The following DDAH1 variants were observed in gnomAD, a reference collection of about 807,000 sequenced individuals.
DDAH1 encodes the protein N(G),N(G)-dimethylarginine dimethylaminohydrolase 1.
A neutral mutation model predicts 28.8 loss-of-function variants in DDAH1; 19 were observed. The observed-to-expected ratio is 0.66, with a 90% CI of 0.46 to 0.97. The LOEUF (loss-of-function observed/expected upper bound fraction) is 0.97, where lower values mean the gene tolerates loss of function less well. DDAH1 is among the 50% of genes least tolerant of loss of function. The pLI is 0.00. For missense variants in DDAH1, 326 were observed against 375.9 expected, an observed-to-expected ratio of 0.87 and a Z score of 1.10; for synonymous variants, 153 against 154.4, an observed-to-expected ratio of 0.99 and a Z score of 0.07.
Position 85,319,127 on chromosome 1 carries a change from T to C in DDAH1, c.*2325A>G, listed in dbSNP as rs1185583125. Reference sequence around the variant, plus strand: ...CTTTTCAAAAATAACATTATGCTAATGAGAACATCAAAGAAGTAATACTAT... The same window carrying C: ...CTTTTCAAAAATAACATTATGCTAACGAGAACATCAAAGAAGTAATACTAT... On this transcript the variant is annotated 3_prime_UTR_variant, in exon 6 of 6. Coordinates refer to ENST00000284031, the MANE Select transcript of DDAH1 (RefSeq NM_012137.4). 1 of 152,188 alleles carries C rather than the reference T, an allele frequency of 6.6e-6. No homozygotes were observed. The allele number at this position is 152,188 out of a possible 1,614,324, so 9.4% of individuals were successfully genotyped here.
intron 1 of DDAH1, among the ~76,000 whole-genome samples, chr1:85,409,766 T>A (rs1423495945): frequency 6.6e-6 from 1 of 152,200 alleles, no homozygotes; most frequent in Admixed American, 6.5e-5. Context: ...ATATAAGTTT[T>A]CAACTTTATT....
chr1:85,431,315 C>T (rs113225322), intron 1 of DDAH1, among the ~76,000 whole-genome samples: 3 of 152,136 alleles, frequency 2.0e-5, no homozygotes, highest in African/African-American at 4.8e-5. Context: ...TGAGGATTTT[C>T]GCATTGATGT....
rs1032325886 is a variant in DDAH1 at position 85,319,323 on chromosome 1, A to G, written c.*2129T>C. On this transcript the variant is annotated 3_prime_UTR_variant, in exon 6 of 6. Transcript: ENST00000284031. ...ACAGAAAGAAGCAAAAGAAAGGAAA[A>G]GTGAAAAACAGCCTTCTGCAGAACA... 3 of 152,356 alleles carry G rather than the reference A, an allele frequency of 2.0e-5. No individual in the cohort carries two copies. Among genetic ancestry groups the G allele is most frequent in the Non-Finnish European group, 4.4e-5 (3 of 68,020 alleles). The allele number at this position is 152,356 out of a possible 1,614,324, so 9.4% of individuals were successfully genotyped here.
chr1:85,575,046 C>G (rs767405380), intron 1 of DDAH1, among the ~76,000 whole-genome samples: 1 of 151,862 alleles, frequency 6.6e-6, no homozygotes, highest in Non-Finnish European at 1.5e-5. Flanking sequence ...TTAAAACCAG[C>G]CTGAGCAACA....
At position 85,490,034 on chromosome 1, in the gene DDAH1, G is replaced by A. The variant is rs185053447; in HGVS notation, c.-7+6132C>T. 3.1e-4 allele frequency among the ~76,000 whole-genome samples: 47 copies of A among 152,214 alleles called. 1 individual carries two copies. Among genetic ancestry groups the A allele is most frequent in the Admixed American group, 5.9e-4 (9 of 15,286 alleles). On this transcript the variant is annotated intron_variant, in intron 2 of 6. Transcript: ENST00000426972. ...TACTGTTTCAAGAGGTAGGCTTGTG[G>A]TGGATAAGTGGAGAAAGATGCAATG...
At chr1:85,541,719 G>A (rs940572968) in intron 1 of DDAH1, among the ~76,000 whole-genome samples, 1 of 152,172 alleles carries the variant, frequency 6.6e-6, no homozygotes, top group Non-Finnish European at 1.5e-5. Flanking sequence ...GGTATATGGA[G>A]GTGGGACCTT....
At chr1:85,563,671 A>C (rs1659203339) in intron 1 of DDAH1, among the ~76,000 whole-genome samples, 1 of 152,236 alleles carries the variant, frequency 6.6e-6, no homozygotes, top group Admixed American at 6.5e-5. Flanking sequence ...TAAGCAGAAA[A>C]ACATGATCTA....
intron 1 of DDAH1, among the ~76,000 whole-genome samples, chr1:85,381,629 T>C (rs1415075753): frequency 2.0e-5 from 3 of 152,212 alleles, no homozygotes; most frequent in South Asian, 2.1e-4. Flanking sequence ...TTCCTCTGAC[T>C]GCTTTTCAGA....
chr1:85,369,101 T>C (rs1213787665), intron 1 of DDAH1, among the ~76,000 whole-genome samples: 1 of 134,158 alleles, frequency 7.5e-6, no homozygotes, highest in African/African-American at 2.8e-5. Flanking sequence ...CACTCTGTCC[T>C]CCAGGCTGGA....
At chr1:85,405,199 T>C (rs1007654177) in intron 1 of DDAH1, among the ~76,000 whole-genome samples, 1 of 152,178 alleles carries the variant, frequency 6.6e-6, no homozygotes, top group Admixed American at 6.5e-5. Context: ...ATTCAATAAA[T>C]TGGCCACATG....
At chr1:85,500,114 TTTTCTTTCTTTC>T (rs199804690) in intron 1 of DDAH1, among the ~76,000 whole-genome samples, 7,939 of 129,786 alleles carry the variant, frequency 0.061, 286 homozygotes, top group African/African-American at 0.097. Context: ...CTTTCTTTTC[TTTTCTTTCTTTC>T]TTTCTTTCTT....
At chr1:85,388,323 G>A (rs566504888) in intron 1 of DDAH1, among the ~76,000 whole-genome samples, 1 of 152,094 alleles carries the variant, frequency 6.6e-6, no homozygotes, top group Admixed American at 6.5e-5. Context: ...TTAGTTATGT[G>A]CCATTACTAC....
intron 1 of DDAH1, among the ~76,000 whole-genome samples, chr1:85,387,062 T>C (rs1651304404): frequency 6.6e-6 from 1 of 152,202 alleles, no homozygotes; most frequent in African/African-American, 2.4e-5. Flanking sequence ...CCTAGGTCTC[T>C]GGGTCTGTGA....
intron 2 of DDAH1, among the ~76,000 whole-genome samples, chr1:85,479,361 G>A (rs1655920307): frequency 1.3e-5 from 2 of 151,188 alleles, no homozygotes; most frequent in African/African-American, 2.4e-5. Flanking sequence ...TTTTAGTAGA[G>A]ACGGGGTTTC....
At chr1:85,502,031 C>G (rs889527672) in intron 1 of DDAH1, among the ~76,000 whole-genome samples, 3 of 152,186 alleles carry the variant, frequency 2.0e-5, no homozygotes, top group African/African-American at 4.8e-5. Flanking sequence ...TCCAAACTTT[C>G]TCCATAAAGC....
chr1:85,348,365 A>G (rs1414957777), intron 4 of DDAH1, among the ~76,000 whole-genome samples: 1 of 152,148 alleles, frequency 6.6e-6, no homozygotes, highest in African/African-American at 2.4e-5. Context: ...TTGGTCCAAC[A>G]TCTCTGAAAC....
At chr1:85,508,006 T>A (rs1657084740) in intron 1 of DDAH1, among the ~76,000 whole-genome samples, 1 of 152,210 alleles carries the variant, frequency 6.6e-6, no homozygotes, top group Non-Finnish European at 1.5e-5. Flanking sequence ...TTTCATGAAT[T>A]TCATCTGTAC....
chr1:85,502,330 A>G (rs1199167990), intron 1 of DDAH1, among the ~76,000 whole-genome samples: 1 of 152,108 alleles, frequency 6.6e-6, no homozygotes, highest in Non-Finnish European at 1.5e-5. Flanking sequence ...CACCCCACGC[A>G]CTCTGCTAGA....
chr1:85,567,406 C>T (rs1659336082), intron 1 of DDAH1, among the ~76,000 whole-genome samples: 1 of 152,158 alleles, frequency 6.6e-6, no homozygotes, highest in African/African-American at 2.4e-5. Context: ...ATAGGTCTCA[C>T]AAGATCCAAT....
Sources: gnomAD v4.1 joint callset for allele counts (sites outside exome capture counted in the v4.1 genomes callset) on GRCh38, gnomAD v4.1.1 for gene constraint, MANE v1.5 for transcripts, NCBI Gene and HGNC (gene_info 2026-07-23, HGNC 2026-07-21) for gene names.